The following ANO9 variants were observed in gnomAD, a reference collection of about 807,000 sequenced individuals.
ANO9 encodes the protein anoctamin 9.
Under a neutral mutation model 100.5 loss-of-function variants are expected in ANO9, and 80 were observed. That is an observed-to-expected ratio of 0.80 (90% CI 0.66 to 0.96). The LOEUF (loss-of-function observed/expected upper bound fraction) is 0.96, where lower values mean the gene tolerates loss of function less well. ANO9 is among the 40% of genes least tolerant of loss of function. ANO9 has a pLI of 0.00. For missense variants in ANO9, 1,064 were observed against 1,072.7 expected, an observed-to-expected ratio of 0.99 and a Z score of 0.11; for synonymous variants, 473 against 435.6, an observed-to-expected ratio of 1.09 and a Z score of -1.07.
In ANO9 at chr11:432,425, A is replaced by C; in HGVS notation, c.351-371T>G. On this transcript the variant is annotated intron_variant, in intron 4 of 22. Transcript: ENST00000332826. The surrounding 1 kb of genome is among the most constrained non-coding windows in gnomAD (Gnocchi z 4.8). ...CTGCATCCGCACACACCCTCCTTAT[A>C]CCCTGGAGCTGTTCTGTTCCACTGT... is the stretch of plus-strand genomic sequence containing the variant. 14 of 294,276 alleles carry C rather than the reference A, an allele frequency of 4.8e-5. No individual in the cohort carries two copies. Among genetic ancestry groups the C allele is most frequent in the East Asian group, 7.7e-5 (1 of 12,948 alleles). 18.2% of individuals were successfully genotyped at this position (294,276 alleles called of 1,614,324 possible). A position where few individuals can be genotyped will look rare whatever the true frequency, so the allele number is the denominator to read the frequency against.
In ANO9 at chr11:428,717, C is replaced by A; in HGVS notation, c.1020+5G>T. 1 of 1,613,068 alleles carries A rather than the reference C, an allele frequency of 6.2e-7. No individual in the cohort carries two copies. Among genetic ancestry groups the A allele is most frequent in the Non-Finnish European group, 8.5e-7 (1 of 1,179,926 alleles). On this transcript the variant is annotated splice_donor_5th_base_variant and intron_variant, in intron 12 of 22. Transcript: ENST00000332826. The stretch of plus-strand genomic sequence containing the variant: ...TCCAGCCCCACCGCGGTGTCCCCTG[C>A]GTACCATGAGCAGGGTCAGGACGAG...
chr11:441,365 C>T (rs1342507629), intron 1 of ANO9, among the ~76,000 whole-genome samples: 2 of 152,116 alleles, frequency 1.3e-5, no homozygotes, highest in African/African-American at 4.8e-5. Flanking sequence ...CAGCAGTCAG[C>T]GCCCACCCCC....
intron 1 of ANO9, among the ~76,000 whole-genome samples, chr11:437,335 G>C (rs373359555): frequency 6.6e-6 from 1 of 152,134 alleles, no homozygotes; most frequent in African/African-American, 2.4e-5. Flanking sequence ...CCGACGCCCC[G>C]GTCACAGGGA....
At position 433,725 on chromosome 11, in the gene ANO9, C is replaced by G. The variant is rs1460192267; in HGVS notation, c.204+90G>C. ...ACCGGCCCCACAGCCCTGCCCCTCG[C>G]TGGGCACCCGCCCCAGCCCCATGGC... On this transcript the variant is annotated intron_variant, in intron 3 of 22. Coordinates refer to ENST00000332826, the MANE Select transcript of ANO9 (RefSeq NM_001012302.3). 22 of 1,481,764 alleles carry G rather than the reference C, an allele frequency of 1.5e-5. No homozygotes were observed. In the South Asian group the frequency reaches 2.7e-4, roughly 18 times the overall value. 91.8% of individuals were successfully genotyped at this position (1,481,764 alleles called of 1,614,324 possible).
chr11:430,030 A>G (rs2133697540), intron 9 of ANO9, 53 bp downstream of exon 9: 1 of 1,523,486 alleles, frequency 6.6e-7, no homozygotes, highest in Non-Finnish European at 8.9e-7. Context: ...CTTCGGGTGG[A>G]TGCACCGTTC....
chr11:429,664 G>T lies in ANO9; in HGVS notation c.833-12C>A, dbSNP rs1350046027. The T allele has an allele frequency of 1.4e-5, 23 of 1,612,590 alleles. No individual in the cohort carries two copies. The highest frequency in any genetic ancestry group is 1.9e-5 in the Non-Finnish European group (23 of 1,179,852). On this transcript the variant is annotated splice_polypyrimidine_tract_variant and intron_variant, in intron 10 of 22. Coordinates refer to ENST00000332826, the MANE Select transcript of ANO9 (RefSeq NM_001012302.3). ...CAGGAACACCGTGGCTGCGGCGGGG[G>T]CAAGGAGGGGCATCACTGCACTACG...
intron 20 of ANO9, 144 bp downstream of exon 20, chr11:419,438 C>G: frequency 7.0e-7 from 1 of 1,438,840 alleles, no homozygotes. Flanking sequence ...AGGGCAGGGG[C>G]CACCCCCAGG....
Position 428,359 on chromosome 11 carries a change from G to C in ANO9, c.1221C>G (p.Phe407Leu). 1 of 1,612,528 alleles carries C rather than the reference G, an allele frequency of 6.2e-7. No homozygotes were observed. The highest frequency in any genetic ancestry group is 8.5e-7 in the Non-Finnish European group (1 of 1,179,932). Residue 407 changes from phenylalanine to leucine, a missense_variant and splice_region_variant, in exon 14 of 23, where the codon TTC becomes TTG. Physicochemically the swap from Phe to Leu is conservative, Grantham distance 22. Coordinates refer to ENST00000332826, the MANE Select transcript of ANO9 (RefSeq NM_001012302.3). ...GAGGGTCTGGGGTAGTCCTCTCACC[G>C]AAGTCACAAAGCTTCAGGGCCACGC... is the stretch of plus-strand genomic sequence containing the variant. ...NRCVALKLCD[F>L]EMPRTFSERE...
intron 19 of ANO9, 24 bp from the exon 20 acceptor site, chr11:419,753 G>A (rs756121692): frequency 1.1e-5 from 18 of 1,584,556 alleles, no homozygotes; most frequent in East Asian, 2.2e-5. Context: ...GTGGGCAAGC[G>A]GTCTGACTCA....
chr11:434,286 CGAA>C (rs1849280507), intron 1 of ANO9, among the ~76,000 whole-genome samples, 188 bp from the exon 2 acceptor site: 1 of 152,136 alleles, frequency 6.6e-6, no homozygotes, highest in Non-Finnish European at 1.5e-5. Flanking sequence ...AAACAACCGA[CGAA>C]GGACTGTGGA....
intron 1 of ANO9, among the ~76,000 whole-genome samples, chr11:435,396 A>G (rs1315106585): frequency 1.3e-5 from 2 of 152,034 alleles, no homozygotes; most frequent in African/African-American, 4.8e-5. Context: ...ATAATATGGT[A>G]TAGTCTAGTA....
At chr11:420,050 G>T (rs1000720022) in intron 19 of ANO9, 2 of 1,321,300 alleles carry the variant, frequency 1.5e-6, no homozygotes, top group Admixed American at 3.4e-5. Flanking sequence ...ACCTGGGCCC[G>T]AGACTGGGGG....
rs982931233 is a variant in ANO9 at position 432,411 on chromosome 11, C to T, written c.351-357G>A. 15 of 353,416 alleles carry T rather than the reference C, an allele frequency of 4.2e-5. No individual in the cohort carries two copies. The highest frequency in any genetic ancestry group is 3.1e-4 in the African/African-American group (15 of 48,356). 21.9% of individuals were successfully genotyped at this position (353,416 alleles called of 1,614,324 possible). ...GAGCACACCCCAGCCTGCATCCGCA[C>T]ACACCCTCCTTATACCCTGGAGCTG... On this transcript the variant is annotated intron_variant, in intron 4 of 22. Coordinates refer to ENST00000332826, the MANE Select transcript of ANO9 (RefSeq NM_001012302.3). This position sits in a 1 kb window ranked among gnomAD's most constrained non-coding sequence, Gnocchi z 4.8.
intron 1 of ANO9, among the ~76,000 whole-genome samples, chr11:435,560 TCTA>T: frequency 1.5e-5 from 2 of 135,060 alleles, no homozygotes; most frequent in South Asian, 2.4e-4. Flanking sequence ...TCTAGTCTAG[TCTA>T]GTCTAGTATA....
chr11:432,188 A>G lies in ANO9; in HGVS notation c.351-134T>C, dbSNP rs565858695. The G allele has an allele frequency of 9.5e-5, 92 of 967,916 alleles. 1 individual carries two copies. In the African/African-American group the frequency reaches 1.5e-3, roughly 15 times the overall value. 60.0% of individuals were successfully genotyped at this position (967,916 alleles called of 1,614,324 possible). On this transcript the variant is annotated intron_variant, in intron 4 of 22. Coordinates refer to ENST00000332826, the MANE Select transcript of ANO9 (RefSeq NM_001012302.3). The surrounding 1 kb of genome is among the most constrained non-coding windows in gnomAD (Gnocchi z 4.8). ...AGCCCCCAGCCTGCCAGCCCTGACC[A>G]GAGCCCAGAATCCACAACTCACCCG...
Position 419,632 on chromosome 11 carries a change from G to C in ANO9, c.1884C>G (p.Val628=). 6.2e-7 allele frequency: 1 copy of C among 1,613,612 alleles called. No individual in the cohort carries two copies. Among genetic ancestry groups the C allele is most frequent in the Non-Finnish European group, 8.5e-7 (1 of 1,179,906 alleles). Residue 628 remains valine (V), a synonymous_variant, in exon 20 of 23, where the codon GTC becomes GTG. Coordinates refer to ENST00000332826, the MANE Select transcript of ANO9 (RefSeq NM_001012302.3). ...GGCATGGGCTATAGCGGTACTTGTA[G>C]ACCACTCGGGGGATGAACTCAGATG... is the stretch of plus-strand genomic sequence containing the variant. ...AFTSEFIPRV[V]YKYRYSPCLK...
At position 432,372 on chromosome 11, in the gene ANO9, G is replaced by T. The variant is rs984476078; in HGVS notation, c.351-318C>A. On this transcript the variant is annotated intron_variant, in intron 4 of 22. Coordinates refer to ENST00000332826, the MANE Select transcript of ANO9 (RefSeq NM_001012302.3). This position sits in a 1 kb window ranked among gnomAD's most constrained non-coding sequence, Gnocchi z 4.8. The stretch of plus-strand genomic sequence containing the variant: ...CTGCAACCACACCTCCCACCTGCGG[G>T]CCCCATGTGTCCAGAGCACACCCCA... 2.2e-6 allele frequency: 1 copy of T among 452,930 alleles called. No individual in the cohort carries two copies. The highest frequency in any genetic ancestry group is 4.1e-6 in the Non-Finnish European group (1 of 245,360). 28.1% of individuals were successfully genotyped at this position (452,930 alleles called of 1,614,324 possible).
In ANO9 at chr11:434,714, G is replaced by A. The variant is rs1849315334; in HGVS notation, c.7-616C>T. Among the ~76,000 whole-genome samples the A allele has an allele frequency of 1.3e-5, 2 of 152,226 alleles. 1 individual carries two copies. Among genetic ancestry groups the A allele is most frequent in the South Asian group, 4.1e-4 (2 of 4,838 alleles). On this transcript the variant is annotated intron_variant, in intron 1 of 22. Transcript: ENST00000332826. ...GGGAGGATCCTGCAGCAGGCAAGGT[G>A]AGTGCCCGCAGGCACAGTGCACGGG...
At position 418,491 on chromosome 11, in the gene ANO9, C is replaced by T. The variant is rs188565474; in HGVS notation, c.2229G>A (p.Leu743=). The stretch of plus-strand genomic sequence containing the variant: ...GCCTTCCATGCCACATCTTCTCACG[C>T]AGCCTCTGGTACTTCACCTCCAGAA... ...NKVLEVKYQR[L]REKMWHGRQR... is the part of the protein sequence containing the mutation. The change falls in exon 23 of 23, where the codon CTG becomes CTA. Residue 743 remains leucine (L), a synonymous_variant. Coordinates refer to ENST00000332826, the MANE Select transcript of ANO9 (RefSeq NM_001012302.3). The T allele has an allele frequency of 5.6e-4, 896 of 1,613,180 alleles. 6 individuals are homozygous for T. Among genetic ancestry groups the T allele is most frequent in the Non-Finnish European group, 9.2e-5 (108 of 1,180,010 alleles).
Sources: gnomAD v4.1 joint callset for allele counts (sites outside exome capture counted in the v4.1 genomes callset) on GRCh38, gnomAD v4.1.1 for gene constraint, Gnocchi (gnomAD v3.1) non-coding constraint, MANE v1.5 for transcripts, NCBI Gene and HGNC (gene_info 2026-07-23, HGNC 2026-07-21) for gene names.